The following ATM variants were observed in gnomAD, a reference collection of about 807,000 sequenced individuals.
The protein encoded by ATM is ATM serine/threonine kinase.
A neutral mutation model predicts 387.0 loss-of-function variants in ATM; 308 were observed. The observed-to-expected ratio is 0.80, with a 90% CI of 0.73 to 0.87. ATM has a LOEUF of 0.87. ATM is among the 40% of genes least tolerant of loss of function. ATM has a pLI of 0.00. For synonymous variants in ATM, 1,156 were observed against 1,187.3 expected (o/e 0.97, Z 0.54); for missense variants, 3,312 against 3,560.9 (o/e 0.93, Z 1.78).
chr11:108,257,333 G>T, intron 14 of ATM, 148 bp from the exon 15 acceptor site: 1 of 972,754 alleles, frequency 1.0e-6, no homozygotes, highest in Non-Finnish European at 1.5e-6. Flanking sequence ...GTATGACTAC[G>T]TGGAACTTCT....
intron 6 of ATM, 67 bp from the exon 7 acceptor site, chr11:108,244,721 T>A: frequency 8.2e-7 from 1 of 1,221,426 alleles, no homozygotes; most frequent in South Asian, 1.2e-5. Context: ...TACCACTTCA[T>A]AACTGTTCAG....
At chr11:108,312,232 A>G (rs1328850532) in intron 39 of ATM, among the ~76,000 whole-genome samples, 179 bp from the exon 40 acceptor site, 2 of 152,224 alleles carry the variant, frequency 1.3e-5, no homozygotes, top group African/African-American at 2.4e-5. Context: ...TATAATTTTC[A>G]TTCACAAATT....
At chr11:108,243,799 C>A (rs565084530) in intron 5 of ATM, among the ~76,000 whole-genome samples, 154 bp from the exon 6 acceptor site, 2 of 152,062 alleles carry the variant, frequency 1.3e-5, no homozygotes. Context: ...AAATTAAATA[C>A]TGATGGAGTA....
intron 35 of ATM, 73 bp from the exon 36 acceptor site, chr11:108,302,780 A>T (rs540783613): frequency 7.3e-7 from 1 of 1,362,348 alleles, no homozygotes; most frequent in Admixed American, 1.8e-5. Context: ...GATTTGTTAT[A>T]CTCATTTTGT....
rs2091079513 is a variant in ATM, at chr11:108,364,031, C to G, written c.8851-1051C>G. ...GGAAACCTTGAACTTAACGGACAAGCTACATGTAATCAAGCTCAGTTTCTC... is the reference window on the plus strand; with the variant it reads ...GGAAACCTTGAACTTAACGGACAAGGTACATGTAATCAAGCTCAGTTTCTC... On this transcript the variant is annotated intron_variant, in intron 61 of 62. Transcript: ENST00000675843. Among the ~76,000 whole-genome samples, 3 of 152,276 alleles carry G rather than the reference C, an allele frequency of 2.0e-5. No individual in the cohort carries two copies. In the South Asian group the frequency reaches 6.2e-4, roughly 32 times the overall value.
At chr11:108,257,709 T>A (rs2135410680) in intron 15 of ATM, 103 bp downstream of exon 15, 4 of 1,184,416 alleles carry the variant, frequency 3.4e-6, no homozygotes, top group Non-Finnish European at 4.9e-6. Flanking sequence ...AGCCTTGACC[T>A]CCTGGTTTCC....
chr11:108,331,339 C>CT (rs1378657408), intron 50 of ATM, 105 bp from the exon 51 acceptor site: 24 of 1,479,868 alleles, frequency 1.6e-5, no homozygotes, highest in Non-Finnish European at 1.9e-5. Context: ...TTGTTAACCA[C>CT]TTGTGCTAAT....
rs1473612720 is a variant in ATM, at chr11:108,229,391, T to C, written c.331+68T>C. ...ACTGTCGCGTGAGTTTTTTTTTTTTTTCAGATCATTTTAAGGACTTAACTG... is the reference window on the plus strand; with the variant it reads ...ACTGTCGCGTGAGTTTTTTTTTTTTCTCAGATCATTTTAAGGACTTAACTG... On this transcript the variant is annotated intron_variant, in intron 4 of 62. Transcript: ENST00000675843. 4.1e-6 allele frequency: 6 copies of C among 1,481,198 alleles called. No homozygotes were observed. The African/African-American group carries it at 7.1e-5, about 17-fold the overall frequency. The allele number at this position is 1,481,198 out of a possible 1,614,324, so 91.8% of individuals were successfully genotyped here.
chr11:108,253,945 G>A lies in ATM; in HGVS notation c.2030G>A (p.Ser677Asn), dbSNP rs2080308052. 1.2e-6 allele frequency: 2 copies of A among 1,614,110 alleles called. No homozygotes were observed. Among genetic ancestry groups the A allele is most frequent in the Non-Finnish European group, 1.7e-6 (2 of 1,180,002 alleles). The part of the protein sequence containing the change: ...RECGIEKHQS[S>N]IGFSVHQNLK... ...TGTGGTATAGAAAAGCACCAGTCCAGTATTGGCTTCTCTGTCCACCAGAAT... is the reference window on the plus strand; with the variant it reads ...TGTGGTATAGAAAAGCACCAGTCCAATATTGGCTTCTCTGTCCACCAGAAT... Residue 677 changes from serine to asparagine, a missense_variant, in exon 13 of 63, where the codon AGT becomes AAT. By Grantham distance (46) the Ser-to-Asn change is conservative (BLOSUM62 1). This residue lies in a region of ATM where 1,791 missense variants were observed against 1,804.5 expected (regional missense o/e 0.99). Coordinates refer to ENST00000675843, the MANE Select transcript of ATM (RefSeq NM_000051.4).
Position 108,366,230 on chromosome 11 carries a change from T to C in ATM, c.*722T>C, listed in dbSNP as rs2091323673. 5.1e-6 allele frequency: 1 copy of C among 196,978 alleles called. No homozygotes were observed. The highest frequency in any genetic ancestry group is 1.9e-4 in the South Asian group (1 of 5,226). 12.2% of individuals were successfully genotyped at this position (196,978 alleles called of 1,614,324 possible). A position where few individuals can be genotyped will look rare whatever the true frequency, so the allele number is the denominator to read the frequency against. On this transcript the variant is annotated 3_prime_UTR_variant, in exon 63 of 63. Coordinates refer to ENST00000675843, the MANE Select transcript of ATM (RefSeq NM_000051.4). ...CCTTCTGTACTGTCCATGTATGTTA[T>C]CTTTCTGTGATAACTTCATAGATTG... is the stretch of plus-strand genomic sequence containing the variant.
At chr11:108,241,700 C>T (rs2079563310) in intron 5 of ATM, among the ~76,000 whole-genome samples, 1 of 148,888 alleles carries the variant, frequency 6.7e-6, no homozygotes, top group Non-Finnish European at 1.5e-5. Context: ...TTTAAGGTTC[C>T]TCCATGTCTT....
At position 108,333,285 on chromosome 11, in the gene ATM, A is replaced by T. The variant is rs568660866; in HGVS notation, c.7927+385A>T. On this transcript the variant is annotated intron_variant, in intron 53 of 62. Coordinates refer to ENST00000675843, the MANE Select transcript of ATM (RefSeq NM_000051.4). The stretch of plus-strand genomic sequence containing the variant: ...GGACTTAAAAACAAAAAAAGGCTTT[A>T]CCATTTCTTCCATAGGTGCTAAAAT... Among the ~76,000 whole-genome samples the T allele has an allele frequency of 2.6e-5, 4 of 152,304 alleles. No homozygotes were observed. In the South Asian group the frequency reaches 8.3e-4, roughly 32 times the overall value.
intron 50 of ATM, among the ~76,000 whole-genome samples, chr11:108,330,935 T>C (rs536079083): frequency 2.6e-5 from 4 of 152,352 alleles, no homozygotes; most frequent in Non-Finnish European, 5.9e-5. Flanking sequence ...TGACACCTAA[T>C]ATTAAATTTA....
chr11:108,368,288 CAA>C lies in ATM; in HGVS notation c.*2796_*2797del, dbSNP rs765253087. Reference sequence around the variant, plus strand: ...TTGGCGACAGAGCAAGACTCTGCCTCAAAAAAAAAAAAAAAAAGGTTTTGGCA... The same window carrying C: ...TTGGCGACAGAGCAAGACTCTGCCTCAAAAAAAAAAAAAAAGGTTTTGGCA... On this transcript the variant is annotated 3_prime_UTR_variant, in exon 63 of 63. Coordinates refer to ENST00000675843, the MANE Select transcript of ATM (RefSeq NM_000051.4). 1,299 of 95,504 alleles carry C rather than the reference CAA, an allele frequency of 0.014. No homozygotes were observed. Among genetic ancestry groups the C allele is most frequent in the Middle Eastern group, 0.039 (11 of 282 alleles). The allele number at this position is 95,504 out of a possible 1,614,324, so 5.9% of individuals were successfully genotyped here. A position where few individuals can be genotyped will look rare whatever the true frequency, so the allele number is the denominator to read the frequency against.
chr11:108,335,707 A>T (rs527376722), intron 55 of ATM, 138 bp from the exon 56 acceptor site: 53 of 683,422 alleles, frequency 7.8e-5, no homozygotes, highest in Non-Finnish European at 1.1e-4. Context: ...GGCAGTAGGT[A>T]TTTAATTATT....
intron 13 of ATM, among the ~76,000 whole-genome samples, chr11:108,255,709 A>G (rs1190529939): frequency 2.0e-5 from 3 of 152,202 alleles, no homozygotes; most frequent in Non-Finnish European, 4.4e-5. Flanking sequence ...TGTAGGCGTG[A>G]GCCACCATGC....
At chr11:108,256,146 C>A in intron 13 of ATM, 69 bp from the exon 14 acceptor site, 1 of 1,360,370 alleles carries the variant, frequency 7.4e-7, no homozygotes. Flanking sequence ...AGAATTTGTT[C>A]TTACAAAAGA....
At chr11:108,293,894 A>ATATATATATATATATATAT (rs1555101015) in intron 31 of ATM, among the ~76,000 whole-genome samples, 9 of 83,658 alleles carry the variant, frequency 1.1e-4, no homozygotes, top group African/African-American at 3.4e-4. Flanking sequence ...AAAAAAAAAA[A>ATATATATATATATATATAT]ATATATATAT....
intron 29 of ATM, 96 bp from the exon 30 acceptor site, chr11:108,292,523 A>T (rs1205479202): frequency 1.4e-6 from 2 of 1,391,932 alleles, no homozygotes; most frequent in Non-Finnish European, 1.0e-6. Context: ...TATAAGAATT[A>T]GAGATGCTGA....
Sources: gnomAD v4.1 joint callset for allele counts (sites outside exome capture counted in the v4.1 genomes callset) on GRCh38, gnomAD v4.1.1 for gene constraint, gnomAD v4.1.1 regional missense constraint, MANE v1.5 for transcripts, NCBI Gene and HGNC (gene_info 2026-07-23, HGNC 2026-07-21) for gene names.